GTF3C5: variants seen among roughly 807,000 people sequenced by gnomAD.
GTF3C5 encodes general transcription factor IIIC subunit 5.
Under a neutral mutation model 61.0 loss-of-function variants are expected in GTF3C5, and 47 were observed. That is an observed-to-expected ratio of 0.77 (90% CI 0.61 to 0.98). The LOEUF is 0.98. GTF3C5 is among the 50% of genes least tolerant of loss of function. The probability of loss-of-function intolerance (pLI) is 0.00; values close to 1 mark genes in which losing one functional copy is unlikely to be tolerated. For missense variants in GTF3C5, 659 were observed against 703.3 expected, an observed-to-expected ratio of 0.94 and a Z score of 0.71; for synonymous variants, 295 against 275.4, an observed-to-expected ratio of 1.07 and a Z score of -0.71.
chr9:133,056,876 T>A lies in GTF3C5; in HGVS notation c.1361T>A (p.Met454Lys), dbSNP rs199606440. The A allele has an allele frequency of 1.9e-6, 3 of 1,608,756 alleles. No homozygotes were observed. The highest frequency in any genetic ancestry group is 1.7e-5 in the Admixed American group (1 of 59,374). The change falls in exon 10 of 11, where the codon ATG becomes AAG. Residue 454 changes from methionine (M) to lysine (K), a missense_variant. Physicochemically the swap from Met to Lys is moderately conservative, Grantham distance 95 (BLOSUM62 -1). Transcript: ENST00000372097. ...SDELRDTMSL[M>K]IRQTIRSKRP... ...GAGCTCAGGGACACCATGTCCCTCATGATCCGGCAGACCATCCGCTCCAAG... is the reference window on the plus strand; with the variant it reads ...GAGCTCAGGGACACCATGTCCCTCAAGATCCGGCAGACCATCCGCTCCAAG...
chr9:133,031,133 C>A lies in GTF3C5; in HGVS notation c.122C>A (p.Pro41Gln). The A allele has an allele frequency of 2.5e-6, 4 of 1,592,404 alleles. No homozygotes were observed. The East Asian group carries it at 9.1e-5, about 36-fold the overall frequency. ...GVVRDVAKML[P>Q]TLGGEEGVSR... is the part of the protein sequence containing the mutation. Reference sequence around the variant, plus strand: ...GTGCGTGATGTGGCTAAGATGCTGCCGACTCTGGGCGGCGAGGAAGGCGTC... The same window carrying A: ...GTGCGTGATGTGGCTAAGATGCTGCAGACTCTGGGCGGCGAGGAAGGCGTC... Residue 41 changes from proline (P) to glutamine (Q), a missense_variant, in exon 1 of 11, where the codon CCG becomes CAG. Transcript: ENST00000372097.
chr9:133,054,888 GGCTGTGATTAGGGCAGCTCT>G (rs1181228237), intron 8 of GTF3C5, 79 bp downstream of exon 8: 7 of 1,537,542 alleles, frequency 4.6e-6, no homozygotes, highest in Non-Finnish European at 6.2e-6. Context: ...ACACCTGGGG[GGCTGTGATTAGGGCAGCTCT>G]GCCCACCGGG....
intron 3 of GTF3C5, among the ~76,000 whole-genome samples, chr9:133,046,505 C>T (rs1850210524): frequency 6.6e-6 from 1 of 152,162 alleles, no homozygotes; most frequent in African/African-American, 2.4e-5. Context: ...AGATTTGGGG[C>T]TCAGAGCAGT....
chr9:133,057,792 G>A (rs771570350), intron 10 of GTF3C5, 22 bp from the exon 11 acceptor site: 1 of 1,575,564 alleles, frequency 6.3e-7, no homozygotes, highest in Non-Finnish European at 8.6e-7. Flanking sequence ...GACACCCATG[G>A]CCTTGTCTCC....
At chr9:133,030,912 T>C (rs1849706280), upstream of GTF3C5, 3 of 1,364,644 alleles carry the variant, frequency 2.2e-6, no homozygotes, top group South Asian at 1.2e-5. Context: ...ACGCGAGCGG[T>C]GAGGGAGCCC....
intron 5 of GTF3C5, among the ~76,000 whole-genome samples, chr9:133,052,649 T>C (rs528657084): frequency 3.9e-5 from 6 of 151,908 alleles, no homozygotes; most frequent in African/African-American, 1.4e-4. Context: ...AAGGTGCTGG[T>C]TGGAAAGGGA....
chr9:133,048,037 G>C (rs769874818), intron 3 of GTF3C5, among the ~76,000 whole-genome samples: 23 of 152,198 alleles, frequency 1.5e-4, no homozygotes, highest in Non-Finnish European at 2.5e-4. Context: ...GTTGAGATGG[G>C]AGGATGGCCT....
chr9:133,035,356 T>C (rs1376487329), intron 1 of GTF3C5, among the ~76,000 whole-genome samples: 2 of 152,186 alleles, frequency 1.3e-5, no homozygotes, highest in Non-Finnish European at 2.9e-5. Flanking sequence ...AACCCTGGAC[T>C]CCTTTCCCCC....
At chr9:133,033,920 C>T (rs1161951986) in intron 1 of GTF3C5, among the ~76,000 whole-genome samples, 1 of 152,110 alleles carries the variant, frequency 6.6e-6, no homozygotes, top group Non-Finnish European at 1.5e-5. Flanking sequence ...GAACACTGGG[C>T]CTGATATGTT....
In GTF3C5 at chr9:133,043,873, C is replaced by A. The variant is rs140794229; in HGVS notation, c.519C>A (p.Phe173Leu). 5 of 1,614,064 alleles carry A rather than the reference C, an allele frequency of 3.1e-6. No individual in the cohort carries two copies. The African/African-American group carries it at 6.7e-5, about 22-fold the overall frequency. Residue 173 changes from phenylalanine to leucine, a missense_variant, in exon 3 of 11, where the codon TTC becomes TTA. Transcript: ENST00000372097. ...ELPLYIPPPIFSRLDAPVDYF... is the reference protein window; with the variant it reads ...ELPLYIPPPILSRLDAPVDYF... ...CGCTCTACATCCCCCCACCCATCTT[C>A]TCCCGGCTGGACGCCCCGGTGGACT...
At position 133,056,838 on chromosome 9, in the gene GTF3C5, C is replaced by T. The variant is rs756543537; in HGVS notation, c.1323C>T (p.Pro441=). Residue 441 remains proline, a synonymous_variant, in exon 10 of 11, where the codon CCC becomes CCT. Transcript: ENST00000372097. ...CAGAACGGGATGGGTGGTGCCTCCC[C>T]AAGACCAGCGACGAGCTCAGGGACA... ...SCTERDGWCL[P]KTSDELRDTM... 10 of 1,612,316 alleles carry T rather than the reference C, an allele frequency of 6.2e-6. No individual in the cohort carries two copies. The highest frequency in any genetic ancestry group is 7.6e-6 in the Non-Finnish European group (9 of 1,179,214).
At chr9:133,038,737 G>A (rs768645359) in intron 1 of GTF3C5, among the ~76,000 whole-genome samples, 34 of 151,898 alleles carry the variant, frequency 2.2e-4, no homozygotes, top group Non-Finnish European at 4.0e-4. Context: ...GATTACAGGT[G>A]TGAGCCACTG....
chr9:133,058,270 T>G lies in GTF3C5; in HGVS notation c.*290T>G. 6.1e-6 allele frequency: 4 copies of G among 657,482 alleles called. No individual in the cohort carries two copies. The highest frequency in any genetic ancestry group is 6.3e-6 in the Non-Finnish European group (3 of 478,352). 40.7% of individuals were successfully genotyped at this position (657,482 alleles called of 1,614,324 possible). A position where few individuals can be genotyped will look rare whatever the true frequency, so the allele number is the denominator to read the frequency against. On this transcript the variant is annotated 3_prime_UTR_variant, in exon 11 of 11. Transcript: ENST00000372097. ...CCAGTGAGTGGGCACCCAATGCCTC[T>G]CAGGATGAGACCAGTAAATGCCGGA...
In GTF3C5 at chr9:133,058,018, T is replaced by A; in HGVS notation, c.*38T>A. 6.2e-7 allele frequency: 1 copy of A among 1,610,136 alleles called. No homozygotes were observed. Among genetic ancestry groups the A allele is most frequent in the Non-Finnish European group, 8.5e-7 (1 of 1,177,756 alleles). ...CTGGGCCTCCCTGACCCGGCCAGAC[T>A]GGTGTCTGGCCTAATGAGGGAGCCG... On this transcript the variant is annotated 3_prime_UTR_variant, in exon 11 of 11. Transcript: ENST00000372097.
At chr9:133,056,718 A>G (rs539912827) in intron 9 of GTF3C5, 48 bp from the exon 10 acceptor site, 5 of 1,529,872 alleles carry the variant, frequency 3.3e-6, no homozygotes, top group African/African-American at 1.4e-5. Flanking sequence ...ATCTCTTAGC[A>G]GAGACCCGCC....
chr9:133,055,657 C>T, intron 8 of GTF3C5: 1 of 985,410 alleles, frequency 1.0e-6, no homozygotes, highest in Non-Finnish European at 1.2e-6. Flanking sequence ...AAATTAGCAG[C>T]AGTGGGTGAG....
chr9:133,050,300 T>G (rs1331271930), intron 3 of GTF3C5, among the ~76,000 whole-genome samples: 1 of 152,238 alleles, frequency 6.6e-6, no homozygotes, highest in Non-Finnish European at 1.5e-5. Flanking sequence ...GTGAATCGCA[T>G]GTAAGCAGAT....
chr9:133,030,987 G>A (rs924868993), upstream of GTF3C5: 2 of 1,611,766 alleles, frequency 1.2e-6, no homozygotes, highest in Non-Finnish European at 1.7e-6. Flanking sequence ...GACGGACCCT[G>A]GCGGGCCCTG....
chr9:133,037,363 A>ACAGG (rs930323863), intron 1 of GTF3C5, among the ~76,000 whole-genome samples: 1 of 152,168 alleles, frequency 6.6e-6, no homozygotes, highest in Non-Finnish European at 1.5e-5. Flanking sequence ...TGACTTTCTT[A>ACAGG]CAGGCAGTAT....
Sources: gnomAD v4.1 joint callset for allele counts (sites outside exome capture counted in the v4.1 genomes callset) on GRCh38, gnomAD v4.1.1 for gene constraint, MANE v1.5 for transcripts, NCBI Gene and HGNC (gene_info 2026-07-23, HGNC 2026-07-21) for gene names.